ATAD5: variants seen among roughly 807,000 people sequenced by gnomAD.
The protein encoded by ATAD5 is ATPase family AAA domain-containing protein 5.
In ATAD5, 58 loss-of-function variants were observed where a neutral mutation model predicts 176.9. The ratio of observed to expected loss-of-function variants is 0.33; its 90% CI spans 0.27 to 0.41. The LOEUF is 0.41. Among genes scored for constraint, ATAD5 ranks in the 10% least tolerant of loss-of-function variants. ATAD5 has a pLI of 1.00. For synonymous variants in ATAD5, 640 were observed against 712.6 expected, an observed-to-expected ratio of 0.90 and a Z score of 1.62; for missense variants, 1,789 against 2,094.1, an observed-to-expected ratio of 0.85 and a Z score of 2.84.
chr17:30,843,190 A>G (rs956609510), intron 4 of ATAD5, among the ~76,000 whole-genome samples: 5 of 151,782 alleles, frequency 3.3e-5, no homozygotes, highest in Non-Finnish European at 7.4e-5. Flanking sequence ...TGGCTCTGCA[A>G]AGAACACAAA....
intron 6 of ATAD5, among the ~76,000 whole-genome samples, chr17:30,847,327 TAGAGAGAG>T (rs891308590): frequency 1.3e-5 from 2 of 150,464 alleles, no homozygotes; most frequent in Non-Finnish European, 1.5e-5. Flanking sequence ...TATATATATA[TAGAGAGAG>T]AGAGAGAGAG....
chr17:30,859,422 C>T (rs1487706080), intron 9 of ATAD5, among the ~76,000 whole-genome samples: 1 of 152,038 alleles, frequency 6.6e-6, no homozygotes, highest in Non-Finnish European at 1.5e-5. Flanking sequence ...TGCAGTGGCG[C>T]GATCTCAGCT....
rs1283663016 is a variant in ATAD5 at position 30,855,216 on chromosome 17, T to C, written c.2524T>C (p.Leu842=). The C allele has an allele frequency of 6.2e-7, 1 of 1,613,966 alleles. No homozygotes were observed. Among genetic ancestry groups the C allele is most frequent in the Non-Finnish European group, 8.5e-7 (1 of 1,179,972 alleles). The change falls in exon 7 of 23, where the codon TTG becomes CTG. Residue 842 remains leucine (L), a synonymous_variant. Transcript: ENST00000321990. The part of the protein sequence containing the change: ...KAKRDFLMSG[L]PDLLKRQIAK... ...AAAGCGTGACTTCCTAATGAGTGGT[T>C]TGCCAGATTTGTTGAAACGGCAAAT...
intron 6 of ATAD5, among the ~76,000 whole-genome samples, chr17:30,850,875 T>G: frequency 4.1e-5 from 1 of 24,654 alleles, no homozygotes; most frequent in Non-Finnish European, 8.2e-5. Flanking sequence ...ATATATTTTT[T>G]TTTTTTTTTT....
At chr17:30,869,771 C>G (rs1162454771) in intron 14 of ATAD5, 125 bp downstream of exon 14, 1 of 1,008,044 alleles carries the variant, frequency 9.9e-7, no homozygotes, top group Non-Finnish European at 1.4e-6. Flanking sequence ...TCCTGCCCAC[C>G]CCTGCCAGAT....
At chr17:30,850,134 C>A (rs930914110) in intron 6 of ATAD5, among the ~76,000 whole-genome samples, 1 of 151,700 alleles carries the variant, frequency 6.6e-6, no homozygotes, top group Non-Finnish European at 1.5e-5. Context: ...GAGCAAGATG[C>A]GGTCGCTAAA....
chr17:30,889,857 T>C (rs1169411092), intron 19 of ATAD5, among the ~76,000 whole-genome samples: 5 of 151,300 alleles, frequency 3.3e-5, no homozygotes, highest in African/African-American at 1.2e-4. Context: ...TTTTAACGTA[T>C]TCTTTTTCTT....
rs181598176 is a variant in ATAD5 at position 30,842,059 on chromosome 17, A to G, written c.2241+1278A>G. On this transcript the variant is annotated intron_variant, in intron 4 of 22. Transcript: ENST00000321990. Reference sequence around the variant, plus strand: ...GCTGAGGCGGGAGGATCACGAGGTCAGGAGTTTGAGACCAGTCTGACCAAC... The same window carrying G: ...GCTGAGGCGGGAGGATCACGAGGTCGGGAGTTTGAGACCAGTCTGACCAAC... Among the ~76,000 whole-genome samples the G allele has an allele frequency of 9.4e-4, 143 of 152,274 alleles. 2 individuals are homozygous for G. In the East Asian group the frequency reaches 0.024, roughly 26 times the overall value.
intron 5 of ATAD5, 115 bp downstream of exon 5, chr17:30,844,154 A>G (rs1324780024): frequency 4.1e-6 from 4 of 979,266 alleles, no homozygotes; most frequent in Non-Finnish European, 5.5e-6. Flanking sequence ...TTTGAGACGG[A>G]GTCTCGCTTT....
chr17:30,894,021 C>G lies in ATAD5; in HGVS notation c.5168C>G (p.Ala1723Gly). The G allele has an allele frequency of 1.9e-6, 3 of 1,613,462 alleles. No homozygotes were observed. Among genetic ancestry groups the G allele is most frequent in the Non-Finnish European group, 2.5e-6 (3 of 1,179,562 alleles). The change falls in exon 21 of 23, where the codon GCT (alanine) becomes GGT (glycine). Residue 1723 changes from alanine to glycine, a missense_variant. This residue lies in a region of ATAD5 where 403 missense variants were observed against 495.1 expected (regional missense o/e 0.81). Coordinates refer to ENST00000321990, the MANE Select transcript of ATAD5 (RefSeq NM_024857.5). ...EALSFTKCSS[A>G]ISKALETLNS... ...CTCAGCTTTACTAAATGTTCTTCTG[C>G]TATTTCAAAAGCATTGGAAACCTTG... is the stretch of plus-strand genomic sequence containing the variant.
In ATAD5 at chr17:30,832,313, G is replaced by T. The variant is rs757970725; in HGVS notation, c.-35G>T. On this transcript the variant is annotated 5_prime_UTR_variant, in exon 1 of 23. It adds an upstream start codon to the 5' untranslated region. Coordinates refer to ENST00000321990, the MANE Select transcript of ATAD5 (RefSeq NM_024857.5). ...AGGCAGGCCGGGCTGGACCGCGTGA[G>T]GTCCTAGGAGACGGGATTCCGGGAA... is the stretch of plus-strand genomic sequence containing the variant. 1 of 1,512,110 alleles carries T rather than the reference G, an allele frequency of 6.6e-7. No individual in the cohort carries two copies. Among genetic ancestry groups the T allele is most frequent in the Admixed American group, 2.0e-5 (1 of 49,878 alleles). 93.7% of individuals were successfully genotyped at this position (1,512,110 alleles called of 1,614,324 possible).
intron 19 of ATAD5, among the ~76,000 whole-genome samples, chr17:30,888,445 G>T (rs1314074347): frequency 1.3e-5 from 2 of 152,000 alleles, no homozygotes; most frequent in African/African-American, 2.4e-5. Context: ...TTGGGAGGCA[G>T]AGATATGAGG....
intron 9 of ATAD5, among the ~76,000 whole-genome samples, chr17:30,860,231 C>T (rs772106525): frequency 3.3e-5 from 5 of 152,076 alleles, no homozygotes; most frequent in Admixed American, 6.6e-5. Context: ...CCCATGTTAC[C>T]GAGGCTGGTC....
chr17:30,888,802 T>G (rs2142448299), intron 19 of ATAD5, among the ~76,000 whole-genome samples: 1 of 152,200 alleles, frequency 6.6e-6, no homozygotes, highest in Admixed American at 6.5e-5. Context: ...GTGCAGTGGC[T>G]CACGCCTGTA....
rs1043546448 is a variant in ATAD5, at chr17:30,843,006, A to G, written c.2242-907A>G. On this transcript the variant is annotated intron_variant, in intron 4 of 22. Coordinates refer to ENST00000321990, the MANE Select transcript of ATAD5 (RefSeq NM_024857.5). ...AATCCCCCCTGCCTTGGCCTCCCCA[A>G]GTGCTGAGATTACAGGCGTGAACCA... is the stretch of plus-strand genomic sequence containing the variant. 1.1e-4 allele frequency among the ~76,000 whole-genome samples: 16 copies of G among 151,584 alleles called. No individual in the cohort carries two copies. In the South Asian group the frequency reaches 1.7e-3, roughly 16 times the overall value.
intron 4 of ATAD5, among the ~76,000 whole-genome samples, chr17:30,842,161 C>T (rs1179963115): frequency 4.6e-5 from 7 of 151,924 alleles, no homozygotes; most frequent in Non-Finnish European, 1.5e-5. Flanking sequence ...CTCAGCTACT[C>T]AGGAGGCTGA....
chr17:30,893,006 T>A (rs1300434742), intron 20 of ATAD5, among the ~76,000 whole-genome samples: 1 of 152,128 alleles, frequency 6.6e-6, no homozygotes, highest in Non-Finnish European at 1.5e-5. Flanking sequence ...ATTTAGAAAA[T>A]TTTTCAGATA....
intron 8 of ATAD5, among the ~76,000 whole-genome samples, 192 bp downstream of exon 8, chr17:30,857,304 T>C (rs180789698): frequency 2.6e-5 from 4 of 152,028 alleles, no homozygotes; most frequent in Non-Finnish European, 4.4e-5. Context: ...CTGCAACCTC[T>C]GCTTCCCGAG....
intron 3 of ATAD5, among the ~76,000 whole-genome samples, chr17:30,839,356 G>A (rs984686569): frequency 1.1e-4 from 17 of 150,984 alleles, no homozygotes; most frequent in African/African-American, 2.4e-4. Context: ...GCACGGTCTC[G>A]GCTCACTGCA....
Sources: allele counts gnomAD v4.1 joint callset (sites outside exome capture counted in the v4.1 genomes callset), GRCh38; gene constraint gnomAD v4.1.1; regional missense constraint gnomAD v4.1.1; transcripts MANE v1.5; gene names NCBI Gene and HGNC (gene_info 2026-07-23, HGNC 2026-07-21).